Variants in FSTL4 observed in about 807,000 individuals in gnomAD.
FSTL4 encodes follistatin-related protein 4.
Under a neutral mutation model 78.2 loss-of-function variants are expected in FSTL4, and 28 were observed. The ratio of observed to expected loss-of-function variants is 0.36; its 90% CI spans 0.27 to 0.49. The LOEUF is 0.49. FSTL4 is among the 20% of genes least tolerant of loss of function. FSTL4 has a pLI of 0.98. For synonymous variants in FSTL4, 422 were observed against 440.5 expected (o/e 0.96, Z 0.53); for missense variants, 922 against 1,084.9 (o/e 0.85, Z 2.11).
intron 4 of FSTL4, among the ~76,000 whole-genome samples, chr5:133,366,491 C>T (rs1019521124): frequency 5.9e-5 from 9 of 152,126 alleles, no homozygotes; most frequent in African/African-American, 4.8e-5. Context: ...AACAGGTCCT[C>T]AATCCATGTT....
the FSTL4 span, among the ~76,000 whole-genome samples, chr5:133,704,846 T>A: frequency 6.6e-6 from 1 of 152,180 alleles, no homozygotes; most frequent in East Asian, 1.9e-4. Context: ...CAGATCCTAA[T>A]GGCACACCCA....
chr5:133,408,604 C>T (rs1215171427), intron 3 of FSTL4, among the ~76,000 whole-genome samples: 6 of 152,048 alleles, frequency 3.9e-5, no homozygotes, highest in African/African-American at 1.2e-4. Flanking sequence ...AGGGGGAGTG[C>T]TGCAACAGAA....
intron 3 of FSTL4, among the ~76,000 whole-genome samples, chr5:133,522,690 T>C (rs1759003795): frequency 6.6e-6 from 1 of 152,250 alleles, no homozygotes; most frequent in Admixed American, 6.5e-5. Context: ...GACACGTTCT[T>C]AGCATGTGTC....
the FSTL4 span, among the ~76,000 whole-genome samples, chr5:133,780,690 A>G: frequency 6.6e-6 from 1 of 152,216 alleles, no homozygotes; most frequent in Non-Finnish European, 1.5e-5. Context: ...AGCATTTACT[A>G]TCTAAATTCC....
the FSTL4 span, among the ~76,000 whole-genome samples, chr5:133,726,895 C>T: frequency 6.6e-6 from 1 of 152,318 alleles, no homozygotes; most frequent in East Asian, 1.9e-4. Context: ...AGATAAAGCT[C>T]TGTTTCACAT....
intron 3 of FSTL4, among the ~76,000 whole-genome samples, chr5:133,506,221 C>T (rs1017764763): frequency 2.6e-5 from 4 of 152,202 alleles, no homozygotes; most frequent in Admixed American, 2.0e-4. Context: ...GCTCTTACCT[C>T]GTTAGGAAGT....
At chr5:133,681,572 GA>G in the FSTL4 span, among the ~76,000 whole-genome samples, 181 of 148,388 alleles carry the variant, frequency 1.2e-3, 1 homozygote, top group African/African-American at 4.1e-3. Flanking sequence ...TGAGGAAAAA[GA>G]AAAAAAAAAC....
intron 7 of FSTL4, among the ~76,000 whole-genome samples, chr5:133,240,006 C>A (rs550119029): frequency 6.6e-6 from 1 of 152,226 alleles, no homozygotes; most frequent in South Asian, 2.1e-4. Flanking sequence ...GCTGGGATTC[C>A]TTTCCACGCA....
chr5:133,662,613 C>G, the FSTL4 span, among the ~76,000 whole-genome samples: 1 of 152,216 alleles, frequency 6.6e-6, no homozygotes. Context: ...ACACTGAAAT[C>G]TTCAGGCCAT....
rs1343181407 is a variant in FSTL4 at position 133,611,185 on chromosome 5, C to T, written c.-11+1140G>A. Among the ~76,000 whole-genome samples the T allele has an allele frequency of 6.6e-6, 1 of 152,056 alleles. No homozygotes were observed. Among genetic ancestry groups the T allele is most frequent in the Non-Finnish European group, 1.5e-5 (1 of 67,978 alleles). ...CGAGGGCTGCTGGACAGCGCCCCGG[C>T]ACCCGCTCTCGAGCCGCGACACCGA... On this transcript the variant is annotated intron_variant, in intron 1 of 15. Transcript: ENST00000265342. This position sits in a 1 kb window ranked among gnomAD's most constrained non-coding sequence, Gnocchi z 4.9.
chr5:133,576,809 ATCTAAGT>A (rs1290906838), intron 2 of FSTL4, among the ~76,000 whole-genome samples: 4 of 152,358 alleles, frequency 2.6e-5, no homozygotes, highest in Admixed American at 6.5e-5. Context: ...AAATTCTGAC[ATCTAAGT>A]TCTAAGTTTT....
intron 3 of FSTL4, among the ~76,000 whole-genome samples, chr5:133,512,040 T>G (rs1282237278): frequency 6.6e-6 from 1 of 152,206 alleles, no homozygotes; most frequent in African/African-American, 2.4e-5. Flanking sequence ...TTGCCCCTCA[T>G]GTAACCCACA....
intron 13 of FSTL4, among the ~76,000 whole-genome samples, chr5:133,211,902 G>C (rs1331811217): frequency 1.3e-5 from 2 of 152,198 alleles, no homozygotes; most frequent in Non-Finnish European, 1.5e-5. Context: ...TTCCCACCCT[G>C]CTGAAATATA....
chr5:133,564,836 T>C (rs1385622243), intron 3 of FSTL4, among the ~76,000 whole-genome samples: 1 of 152,228 alleles, frequency 6.6e-6, no homozygotes, highest in Non-Finnish European at 1.5e-5. Flanking sequence ...TTGCCCCTAC[T>C]GTCGCTAGTT....
At chr5:133,388,737 T>C (rs1358711106) in intron 4 of FSTL4, among the ~76,000 whole-genome samples, 1 of 152,156 alleles carries the variant, frequency 6.6e-6, no homozygotes, top group Non-Finnish European at 1.5e-5. Flanking sequence ...GGATCTCTCT[T>C]TGCTTATTGT....
At chr5:133,330,731 G>A (rs974722025) in intron 4 of FSTL4, among the ~76,000 whole-genome samples, 29 of 151,322 alleles carry the variant, frequency 1.9e-4, no homozygotes, top group African/African-American at 4.9e-5. Context: ...AGATAATAAA[G>A]GGGGGCTTTA....
rs537755922 is a variant in FSTL4, at chr5:133,580,322, C to A, written c.127-13103G>T. Among the ~76,000 whole-genome samples the A allele has an allele frequency of 2.6e-5, 4 of 152,288 alleles. No homozygotes were observed. In the East Asian group the frequency reaches 7.7e-4, roughly 29 times the overall value. ...AGACCCTCAGCCCCATCACCCAGGTCTCTCAGCAGAGCTCTTGACGGGCCT... is the reference window on the plus strand; with the variant it reads ...AGACCCTCAGCCCCATCACCCAGGTATCTCAGCAGAGCTCTTGACGGGCCT... On this transcript the variant is annotated intron_variant, in intron 2 of 15. Transcript: ENST00000265342.
chr5:133,497,561 T>C (rs2112874133), intron 3 of FSTL4, among the ~76,000 whole-genome samples: 1 of 152,232 alleles, frequency 6.6e-6, no homozygotes, highest in Middle Eastern at 3.4e-3. Flanking sequence ...CAGGCCTCTT[T>C]CTGGGACATC....
intron 6 of FSTL4, among the ~76,000 whole-genome samples, chr5:133,272,043 C>T (rs1017720336): frequency 1.3e-5 from 2 of 152,174 alleles, no homozygotes; most frequent in African/African-American, 4.8e-5. Flanking sequence ...TTCCTAAGAG[C>T]GACTCATGGT....
Sources: allele counts gnomAD v4.1 joint callset (sites outside exome capture counted in the v4.1 genomes callset), GRCh38; gene constraint gnomAD v4.1.1; non-coding constraint Gnocchi (gnomAD v3.1); transcripts MANE v1.5; gene names NCBI Gene and HGNC (gene_info 2026-07-23, HGNC 2026-07-21).